Variants in HDAC8 observed in about 807,000 individuals in gnomAD.
HDAC8 encodes the protein histone deacetylase 8.
HDAC8 carries 1 observed loss-of-function variant against 32.2 expected under a neutral mutation model. That is an observed-to-expected ratio of 0.03 (90% CI 0.01 to 0.15). HDAC8 has a LOEUF of 0.15. Ranked by LOEUF, HDAC8 falls within the 10% of genes least tolerant of loss-of-function variation. The pLI is 1.00. For missense variants in HDAC8, 117 were observed against 300.0 expected (o/e 0.39, Z 4.51); for synonymous variants, 108 against 113.9 (o/e 0.95, Z 0.33).
intron 4 of HDAC8, among the ~76,000 whole-genome samples, chrX:72,550,510 T>C (rs181803977): frequency 6.3e-5 from 7 of 110,450 alleles, no homozygotes; most frequent in African/African-American, 2.3e-4. Flanking sequence ...TGTGACCTAG[T>C]ACATACAAAC....
chrX:72,520,739 ATCCAT>A (rs1395080318), intron 4 of HDAC8, among the ~76,000 whole-genome samples: 2 of 112,399 alleles, frequency 1.8e-5, no homozygotes, highest in Non-Finnish European at 3.8e-5. Flanking sequence ...CCAATTCAGA[ATCCAT>A]TCAAGGTTGA....
At chrX:72,539,236 T>G (rs1287094144) in intron 4 of HDAC8, among the ~76,000 whole-genome samples, 7 of 110,827 alleles carry the variant, frequency 6.3e-5, no homozygotes, top group South Asian at 3.9e-4. Context: ...ATTTATTTAT[T>G]TATGTATTTA....
intron 9 of HDAC8, among the ~76,000 whole-genome samples, chrX:72,434,231 A>T (rs1453035046): frequency 9.0e-6 from 1 of 111,663 alleles, no homozygotes; most frequent in Non-Finnish European, 1.9e-5. Context: ...TACTTTTCTC[A>T]TTGGTAAATG....
intron 10 of HDAC8, among the ~76,000 whole-genome samples, chrX:72,350,519 A>G (rs1256788024): frequency 9.0e-6 from 1 of 110,684 alleles, no homozygotes; most frequent in African/African-American, 3.4e-5. Flanking sequence ...AGGTAGGAGA[A>G]CTGGTGCTAT....
intron 9 of HDAC8, among the ~76,000 whole-genome samples, chrX:72,379,367 A>ATATC (rs781975219): frequency 5.0e-4 from 55 of 110,306 alleles, no homozygotes; most frequent in Admixed American, 9.7e-4. Context: ...GTTTCTTTGT[A>ATATC]TATCTTACAA....
At chrX:72,555,087 A>G (rs1487545607) in intron 4 of HDAC8, among the ~76,000 whole-genome samples, 1 of 111,409 alleles carries the variant, frequency 9.0e-6, no homozygotes, top group Non-Finnish European at 1.9e-5. Context: ...CTTTACAGAC[A>G]CTCCCCAGTA....
intron 9 of HDAC8, among the ~76,000 whole-genome samples, chrX:72,405,286 C>T (rs782694110): frequency 8.9e-6 from 1 of 112,279 alleles, no homozygotes; most frequent in East Asian, 2.8e-4. Flanking sequence ...CAGCTCCATC[C>T]ATGTCCCTGC....
At chrX:72,359,514 T>C (rs12392604) in intron 9 of HDAC8, among the ~76,000 whole-genome samples, 17,070 of 109,865 alleles carry the variant, frequency 0.16, 2,171 homozygotes, top group African/African-American at 0.43. Context: ...GAAGAGCAAG[T>C]GCTGTTAGTG....
intron 9 of HDAC8, among the ~76,000 whole-genome samples, chrX:72,449,448 G>C (rs190563868): frequency 1.4e-3 from 160 of 110,584 alleles, no homozygotes; most frequent in African/African-American, 5.1e-3. Context: ...CCTAGGGGAG[G>C]GAGAGCATTA....
intron 4 of HDAC8, among the ~76,000 whole-genome samples, chrX:72,534,438 A>G (rs1372203993): frequency 3.7e-5 from 4 of 108,334 alleles, no homozygotes; most frequent in Non-Finnish European, 7.6e-5. Context: ...CCTCCCGAAT[A>G]GCTGGGACTA....
chrX:72,368,358 C>CTT (rs11335533), intron 9 of HDAC8, among the ~76,000 whole-genome samples: 10 of 79,666 alleles, frequency 1.3e-4, no homozygotes, highest in Non-Finnish European at 2.0e-4. Context: ...TTCCACAAGG[C>CTT]TTTTTTTTTT....
At chrX:72,413,778 C>T (rs2046263864) in intron 9 of HDAC8, among the ~76,000 whole-genome samples, 1 of 111,878 alleles carries the variant, frequency 8.9e-6, no homozygotes, top group Non-Finnish European at 1.9e-5. Flanking sequence ...CTTCCCCTTC[C>T]ACTATGACTG....
At chrX:72,405,560 A>G (rs192573055) in intron 9 of HDAC8, among the ~76,000 whole-genome samples, 4 of 112,515 alleles carry the variant, frequency 3.6e-5, no homozygotes, top group African/African-American at 1.3e-4. Context: ...ACAATGGTTG[A>G]ACTAATTTAT....
Position 72,372,480 on chromosome X carries a change from A to C in HDAC8, c.1006-20642T>G, listed in dbSNP as rs555239073. Among the ~76,000 whole-genome samples the C allele has an allele frequency of 4.5e-5, 5 of 111,641 alleles. No individual in the cohort carries two copies. In the South Asian group the frequency reaches 1.9e-3, roughly 42 times the overall value. The stretch of plus-strand genomic sequence containing the variant: ...GCTTGATAAATACATGAATGAACGG[A>C]TGGATGAAAGAATGAACATGTTCTC... On this transcript the variant is annotated intron_variant, in intron 9 of 10. Transcript: ENST00000373573.
chrX:72,413,267 C>A (rs1317525950), intron 9 of HDAC8, among the ~76,000 whole-genome samples: 1 of 65,180 alleles, frequency 1.5e-5, no homozygotes, highest in Non-Finnish European at 2.5e-5. Flanking sequence ...TCCCTCCCCC[C>A]ACCCCCCACC....
At chrX:72,441,403 C>T (rs782599243) in intron 9 of HDAC8, among the ~76,000 whole-genome samples, 395 of 112,148 alleles carry the variant, frequency 3.5e-3, no homozygotes, top group Non-Finnish European at 5.7e-3. Flanking sequence ...CTGCAGCCAC[C>T]GCTGCTGGTA....
intron 4 of HDAC8, among the ~76,000 whole-genome samples, chrX:72,560,011 G>T (rs1265033314): frequency 1.8e-5 from 2 of 112,624 alleles, no homozygotes; most frequent in Non-Finnish European, 3.8e-5. Flanking sequence ...CGGCCGCCCC[G>T]TCTGGGAAGT....
intron 4 of HDAC8, among the ~76,000 whole-genome samples, chrX:72,525,340 G>A (rs1362955290): frequency 9.0e-6 from 1 of 110,718 alleles, no homozygotes; most frequent in Non-Finnish European, 1.9e-5. Flanking sequence ...CTACCCAGAC[G>A]AAAGCTTGGT....
At chrX:72,431,562 A>T (rs1555977484) in intron 9 of HDAC8, among the ~76,000 whole-genome samples, 2 of 110,413 alleles carry the variant, frequency 1.8e-5, no homozygotes, top group Admixed American at 9.6e-5. Context: ...TTCTTAAACA[A>T]CAAGCTTCTT....
Sources: allele counts gnomAD v4.1 joint callset (sites outside exome capture counted in the v4.1 genomes callset), GRCh38; gene constraint gnomAD v4.1.1; transcripts MANE v1.5; gene names NCBI Gene and HGNC (gene_info 2026-07-23, HGNC 2026-07-21).